The following UPF3B variants were observed in gnomAD, a reference collection of about 807,000 sequenced individuals.
UPF3B encodes the protein UPF3B regulator of nonsense mediated mRNA decay, also known as regulator of nonsense transcripts 3B.
In UPF3B, 7 loss-of-function variants were observed where a neutral mutation model predicts 40.3. The observed-to-expected ratio is 0.17, with a 90% CI of 0.10 to 0.33. The LOEUF (loss-of-function observed/expected upper bound fraction) is 0.33, where lower values mean the gene tolerates loss of function less well. Ranked by LOEUF, UPF3B falls within the 10% of genes least tolerant of loss-of-function variation. The pLI, the probability that UPF3B is intolerant of heterozygous loss-of-function variation, is 1.00. For missense variants in UPF3B, 229 were observed against 358.9 expected (o/e 0.64, Z 2.93); for synonymous variants, 117 against 117.3 (o/e 1.00, Z 0.01).
chrX:119,822,527 C>T (rs2055932035), intron 4 of UPF3B, among the ~76,000 whole-genome samples: 1 of 112,600 alleles, frequency 8.9e-6, no homozygotes, highest in South Asian at 3.6e-4. Context: ...TAAAATTGTA[C>T]TTCCAATTCT....
At chrX:119,824,480 G>A (rs184725991) in intron 3 of UPF3B, among the ~76,000 whole-genome samples, 1,956 of 107,224 alleles carry the variant, frequency 0.018, 19 homozygotes, top group South Asian at 0.029. Context: ...AGGTGCTGAC[G>A]TGAAAACGGC....
chrX:119,838,803 C>T (rs1252674569), intron 8 of UPF3B, among the ~76,000 whole-genome samples: 2 of 111,240 alleles, frequency 1.8e-5, no homozygotes, highest in East Asian at 5.6e-4. Context: ...GGCAGGGTCT[C>T]ACTACTCTGT....
chrX:119,828,102 A>G (rs931939101), intron 3 of UPF3B, among the ~76,000 whole-genome samples: 6 of 108,367 alleles, frequency 5.5e-5, no homozygotes, highest in Admixed American at 4.0e-4. Context: ...TGCCCAGACT[A>G]GAGTGCAGTG....
At chrX:119,811,918 C>T (rs2055830417) in intron 5 of UPF3B, among the ~76,000 whole-genome samples, 1 of 110,796 alleles carries the variant, frequency 9.0e-6, no homozygotes, top group Non-Finnish European at 1.9e-5. Flanking sequence ...TGCCATGGCA[C>T]TCCAGTGGTG....
chrX:119,816,007 G>C (rs2055862475), intron 4 of UPF3B, among the ~76,000 whole-genome samples: 1 of 111,230 alleles, frequency 9.0e-6, no homozygotes, highest in East Asian at 2.8e-4. Flanking sequence ...ATCTCCAACT[G>C]CTGACCTCAA....
intron 5 of UPF3B, among the ~76,000 whole-genome samples, chrX:119,809,605 T>C (rs1357223920): frequency 9.0e-6 from 1 of 111,490 alleles, no homozygotes; most frequent in Non-Finnish European, 1.9e-5. Flanking sequence ...ACTTGTATTC[T>C]CAGCTACTCA....
chrX:119,825,853 T>A (rs2055973275), intron 3 of UPF3B, among the ~76,000 whole-genome samples: 2 of 111,983 alleles, frequency 1.8e-5, no homozygotes, highest in Non-Finnish European at 3.8e-5. Context: ...AAATTAATCC[T>A]CTTTGTGCCC....
intron 3 of UPF3B, among the ~76,000 whole-genome samples, chrX:119,846,261 G>A (rs2056229906): frequency 1.8e-5 from 2 of 111,051 alleles, no homozygotes; most frequent in South Asian, 7.5e-4. Context: ...TTGAACCCAG[G>A]AGGCAGAGAT....
intron 3 of UPF3B, among the ~76,000 whole-genome samples, chrX:119,846,186 T>A (rs1190744650): frequency 9.1e-6 from 1 of 109,560 alleles, no homozygotes; most frequent in Non-Finnish European, 1.9e-5. Context: ...ATACAAAAAT[T>A]AGCTGGGCGT....
At chrX:119,831,713 T>C (rs2056039229), downstream of UPF3B, 2 of 753,225 alleles carry the variant, frequency 2.7e-6, no homozygotes, top group African/African-American at 2.3e-5. Flanking sequence ...ATAGTGTTGA[T>C]AGTGGCTTTG....
At chrX:119,846,902 A>C (rs371256140) in intron 3 of UPF3B, among the ~76,000 whole-genome samples, 2 of 112,667 alleles carry the variant, frequency 1.8e-5, no homozygotes, top group South Asian at 7.2e-4. Flanking sequence ...TATCGAGAAT[A>C]TATAAAGAAC....
rs958053050 is a variant in UPF3B, at chrX:119,845,441, A to C, written c.371-145T>G. 6.4e-6 allele frequency: 3 copies of C among 470,532 alleles called. No individual in the cohort carries two copies. In the Admixed American group the frequency reaches 9.5e-5, roughly 15 times the overall value. The allele number at this position is 470,532 out of a possible 1,213,427, so 38.8% of individuals were successfully genotyped here. A position where few individuals can be genotyped will look rare whatever the true frequency, so the allele number is the denominator to read the frequency against. On this transcript the variant is annotated intron_variant, in intron 3 of 10. Transcript: ENST00000276201. ...CCAAAGGCATAAAGCACACTGGCAC[A>C]ACCATAATCAACATACTACAAAAGG...
Sources: allele counts gnomAD v4.1 joint callset (sites outside exome capture counted in the v4.1 genomes callset), GRCh38; gene constraint gnomAD v4.1.1; transcripts MANE v1.5; gene names NCBI Gene and HGNC (gene_info 2026-07-23, HGNC 2026-07-21).